The following MYO9A variants were observed in gnomAD, a reference collection of about 807,000 sequenced individuals.
MYO9A encodes unconventional myosin-IXa.
In MYO9A, 103 loss-of-function variants were observed where a neutral mutation model predicts 293.3. That is an observed-to-expected ratio of 0.35 (90% CI 0.30 to 0.41). The LOEUF is 0.41. MYO9A is among the 10% of genes least tolerant of loss of function. The pLI, the probability that MYO9A is intolerant of heterozygous loss-of-function variation, is 1.00. For missense variants in MYO9A, 2,685 were observed against 3,033.0 expected, an observed-to-expected ratio of 0.89 and a Z score of 2.69; for synonymous variants, 1,001 against 1,035.7, an observed-to-expected ratio of 0.97 and a Z score of 0.64.
intron 1 of MYO9A, among the ~76,000 whole-genome samples, chr15:72,084,190 A>G (rs1262096502): frequency 6.6e-6 from 1 of 152,172 alleles, no homozygotes; most frequent in Non-Finnish European, 1.5e-5. Flanking sequence ...TTGGGTGCAT[A>G]TATATTTAGG....
intron 18 of MYO9A, among the ~76,000 whole-genome samples, chr15:71,923,141 T>A (rs1301356186): frequency 2.0e-5 from 3 of 152,226 alleles, no homozygotes; most frequent in African/African-American, 7.2e-5. Flanking sequence ...AATAACTGTA[T>A]AATTTTTTCC....
chr15:72,100,998 GC>G, intron 1 of MYO9A, among the ~76,000 whole-genome samples: 1 of 128,412 alleles, frequency 7.8e-6, no homozygotes, highest in East Asian at 2.6e-4. Context: ...CTGGCCAGCC[GC>G]CCCGTCCGGG....
chr15:72,100,921 G>T (rs1327452506), intron 1 of MYO9A, among the ~76,000 whole-genome samples: 1 of 142,602 alleles, frequency 7.0e-6, no homozygotes, highest in Non-Finnish European at 1.6e-5. Flanking sequence ...AGGGAGGTGG[G>T]GGGGGTCAGC....
At chr15:72,071,354 C>T (rs963867563) in intron 1 of MYO9A, among the ~76,000 whole-genome samples, 6 of 152,112 alleles carry the variant, frequency 3.9e-5, no homozygotes, top group Non-Finnish European at 7.4e-5. Flanking sequence ...TATCATCTCA[C>T]ACCAGTCAGA....
At chr15:71,975,565 A>G (rs1402071929) in intron 12 of MYO9A, among the ~76,000 whole-genome samples, 1 of 152,082 alleles carries the variant, frequency 6.6e-6, no homozygotes, top group African/African-American at 2.4e-5. Flanking sequence ...TCACAGGAGC[A>G]AGCCTCAGGA....
intron 1 of MYO9A, among the ~76,000 whole-genome samples, chr15:72,073,318 G>GT (rs1208231660): frequency 6.6e-6 from 1 of 152,118 alleles, no homozygotes; most frequent in East Asian, 1.9e-4. Flanking sequence ...ATCAGAAGAG[G>GT]TAATTATTTC....
At chr15:72,103,840 C>A (rs1420453678) in intron 1 of MYO9A, among the ~76,000 whole-genome samples, 1 of 152,154 alleles carries the variant, frequency 6.6e-6, no homozygotes, top group East Asian at 1.9e-4. Flanking sequence ...TCACAAAGGT[C>A]AGGATAATAA....
chr15:72,092,910 TACACACACAC>T (rs59999448), intron 1 of MYO9A, among the ~76,000 whole-genome samples: 120 of 141,996 alleles, frequency 8.5e-4, no homozygotes, highest in African/African-American at 2.8e-3. Flanking sequence ...CCACCTTACT[TACACACACAC>T]ACACACACAC....
intron 6 of MYO9A, among the ~76,000 whole-genome samples, chr15:72,017,298 C>A (rs1045455853): frequency 6.6e-6 from 1 of 152,086 alleles, no homozygotes; most frequent in African/African-American, 2.4e-5. Flanking sequence ...CAGGCGTGAG[C>A]CACTACTCTC....
chr15:72,068,836 TTAATGA>T (rs967586338), intron 1 of MYO9A, among the ~76,000 whole-genome samples: 5 of 152,168 alleles, frequency 3.3e-5, no homozygotes, highest in South Asian at 2.1e-4. Flanking sequence ...ATGGCAATAA[TTAATGA>T]TAATGAATAA....
chr15:71,893,326 A>AT, intron 26 of MYO9A: 1 of 517,172 alleles, frequency 1.9e-6, no homozygotes, highest in Non-Finnish European at 3.1e-6. Flanking sequence ...AGCAGAAGTG[A>AT]CAGGGATGAC....
In MYO9A at chr15:71,850,176, TAAAAC is replaced by T. The variant is rs1487011992; in HGVS notation, c.6582-14_6582-10del. 5.2e-5 allele frequency: 84 copies of T among 1,613,486 alleles called. No homozygotes were observed. Among genetic ancestry groups the T allele is most frequent in the Non-Finnish European group, 6.4e-5 (76 of 1,179,714 alleles). On this transcript the variant is annotated splice_polypyrimidine_tract_variant and intron_variant, in intron 37 of 41. Transcript: ENST00000356056. ...CTTCCTGCAGAGCAATCCTAAGAAT[TAAAAC>T]AAAACAAAAAACAAATGAGTAAGGG...
At chr15:71,905,921 T>G (rs1194525292) in intron 19 of MYO9A, among the ~76,000 whole-genome samples, 1 of 152,064 alleles carries the variant, frequency 6.6e-6, no homozygotes, top group Non-Finnish European at 1.5e-5. Context: ...TATATTCTTT[T>G]TATAGTTTAT....
intron 1 of MYO9A, among the ~76,000 whole-genome samples, chr15:72,100,797 C>T (rs1485941049): frequency 1.6e-4 from 24 of 149,980 alleles, no homozygotes; most frequent in Non-Finnish European, 2.7e-4. Context: ...GGAGCCTCTC[C>T]GCCCGGCAGC....
Position 71,967,964 on chromosome 15 carries a change from T to G in MYO9A, c.1986+20A>C, listed in dbSNP as rs745465130. On this transcript the variant is annotated intron_variant, in intron 13 of 41. Coordinates refer to ENST00000356056, the MANE Select transcript of MYO9A (RefSeq NM_006901.4). ...ACACATCTCTGCCCTGTAAGCATATTCAGTGAGAAATTTACTGACCTTTAC... is the reference window on the plus strand; with the variant it reads ...ACACATCTCTGCCCTGTAAGCATATGCAGTGAGAAATTTACTGACCTTTAC... The G allele has an allele frequency of 2.1e-5, 33 of 1,595,124 alleles. No homozygotes were observed. The East Asian group carries it at 7.4e-4, about 36-fold the overall frequency.
chr15:72,101,376 G>C (rs1378574532), intron 1 of MYO9A, among the ~76,000 whole-genome samples: 1 of 146,704 alleles, frequency 6.8e-6, no homozygotes, highest in Non-Finnish European at 1.5e-5. Context: ...CGCCCCATCT[G>C]GGAGGTGAGG....
At chr15:71,971,383 G>C (rs546694275) in intron 12 of MYO9A, among the ~76,000 whole-genome samples, 1 of 151,768 alleles carries the variant, frequency 6.6e-6, no homozygotes, top group African/African-American at 2.4e-5. Flanking sequence ...CCAGGAGTTT[G>C]AGACCAGCCT....
At chr15:71,856,179 T>C (rs7496771) in intron 34 of MYO9A, among the ~76,000 whole-genome samples, 56,633 of 151,596 alleles carry the variant, frequency 0.37, 12,133 homozygotes, top group East Asian at 0.62. Context: ...GGCATAGTGG[T>C]GGGCACCTGT....
intron 1 of MYO9A, among the ~76,000 whole-genome samples, chr15:72,077,752 A>AATATAT (rs60977581): frequency 5.1e-4 from 37 of 72,458 alleles, no homozygotes; most frequent in East Asian, 3.3e-3. Flanking sequence ...AAAAAAAAAA[A>AATATAT]ATATATATAT....
Sources: allele counts gnomAD v4.1 joint callset (sites outside exome capture counted in the v4.1 genomes callset), GRCh38; gene constraint gnomAD v4.1.1; transcripts MANE v1.5; gene names NCBI Gene and HGNC (gene_info 2026-07-23, HGNC 2026-07-21).